The following HOMER1 variants were observed in gnomAD, a reference collection of about 807,000 sequenced individuals.
HOMER1 encodes the protein homer scaffold protein 1.
HOMER1 carries 3 observed loss-of-function variants against 48.9 expected under a neutral mutation model. The ratio of observed to expected loss-of-function variants is 0.06; its 90% CI spans 0.03 to 0.16. HOMER1 has a LOEUF of 0.16. HOMER1 is among the 10% of genes least tolerant of loss of function. The pLI is 1.00. For missense variants in HOMER1, 247 were observed against 411.4 expected (o/e 0.60, Z 3.46); for synonymous variants, 134 against 146.4 (o/e 0.92, Z 0.61).
At chr5:79,511,687 T>G (rs1752948979) in intron 1 of HOMER1, among the ~76,000 whole-genome samples, 1 of 152,250 alleles carries the variant, frequency 6.6e-6, no homozygotes, top group Non-Finnish European at 1.5e-5. Context: ...GAACGTCTCC[T>G]ACAACATGCT....
At chr5:79,392,011 C>A (rs1035466456) in intron 8 of HOMER1, among the ~76,000 whole-genome samples, 3 of 152,074 alleles carry the variant, frequency 2.0e-5, no homozygotes, top group Non-Finnish European at 1.5e-5. Context: ...AGCACAATGC[C>A]GTACTCATGT....
At chr5:79,489,535 C>T (rs533866779) in intron 1 of HOMER1, among the ~76,000 whole-genome samples, 4 of 151,710 alleles carry the variant, frequency 2.6e-5, no homozygotes, top group South Asian at 2.1e-4. Flanking sequence ...CCAGCCTGGG[C>T]GACAGAGCAA....
intron 4 of HOMER1, among the ~76,000 whole-genome samples, chr5:79,442,823 C>T (rs1271278408): frequency 1.3e-5 from 2 of 152,210 alleles, no homozygotes; most frequent in South Asian, 4.1e-4. Flanking sequence ...GACAGCAAAA[C>T]GATACATAAA....
chr5:79,422,427 T>C (rs1750126658), intron 5 of HOMER1, among the ~76,000 whole-genome samples: 1 of 152,134 alleles, frequency 6.6e-6, no homozygotes, highest in South Asian at 2.1e-4. Flanking sequence ...TTGGTCTCCA[T>C]ATGGTGACTT....
chr5:79,422,316 A>T (rs1750124162), intron 5 of HOMER1, among the ~76,000 whole-genome samples: 1 of 152,142 alleles, frequency 6.6e-6, no homozygotes, highest in Non-Finnish European at 1.5e-5. Context: ...ATGCCTACAG[A>T]CTCAATACTC....
At position 79,375,763 on chromosome 5, in the gene HOMER1, C is replaced by G. The variant is rs1561338908; in HGVS notation, c.*246G>C. On this transcript the variant is annotated 3_prime_UTR_variant, in exon 9 of 9. Coordinates refer to ENST00000334082, the MANE Select transcript of HOMER1 (RefSeq NM_004272.5). ...TTTATAACTTTCTAGTTAACTATGG[C>G]CAATAATATACATGGAGGTAATTTG... 3.0e-6 allele frequency: 1 copy of G among 334,584 alleles called. No homozygotes were observed. The highest frequency in any genetic ancestry group is 5.4e-6 in the Non-Finnish European group (1 of 186,172). The allele number at this position is 334,584 out of a possible 1,614,324, so 20.7% of individuals were successfully genotyped here.
intron 2 of HOMER1, among the ~76,000 whole-genome samples, chr5:79,454,028 A>G (rs903767976): frequency 6.6e-6 from 1 of 152,236 alleles, no homozygotes; most frequent in African/African-American, 2.4e-5. Flanking sequence ...TGTTAAAAAA[A>G]TACAAAAAGC....
chr5:79,477,568 T>G (rs1751818452), intron 1 of HOMER1, among the ~76,000 whole-genome samples: 1 of 152,246 alleles, frequency 6.6e-6, no homozygotes, highest in South Asian at 2.1e-4. Context: ...CTGTTCAAAT[T>G]GAACAGGGAG....
rs193088895 is a variant in HOMER1, at chr5:79,489,735, T to C, written c.5+23035A>G. On this transcript the variant is annotated intron_variant, in intron 1 of 8. Transcript: ENST00000334082. ...TTAAAATGTTGATATATGATTATAG[T>C]AATTTTCTCTTCTATTCAACTTAGA... Among the ~76,000 whole-genome samples the C allele has an allele frequency of 5.1e-3, 769 of 152,248 alleles. 5 individuals carry two copies. Among genetic ancestry groups the C allele is most frequent in the African/African-American group, 0.018 (738 of 41,482 alleles).
At chr5:79,379,226 TAA>T (rs1748881594) in intron 8 of HOMER1, among the ~76,000 whole-genome samples, 1 of 105,440 alleles carries the variant, frequency 9.5e-6, no homozygotes, top group African/African-American at 3.8e-5. Flanking sequence ...TATATATCTA[TAA>T]TATATATTAT....
At chr5:79,436,952 C>A (rs539345186) in intron 5 of HOMER1, among the ~76,000 whole-genome samples, 1 of 152,270 alleles carries the variant, frequency 6.6e-6, no homozygotes, top group African/African-American at 2.4e-5. Flanking sequence ...TAATTAAAAA[C>A]TTAAATTGAC....
intron 8 of HOMER1, among the ~76,000 whole-genome samples, chr5:79,386,947 TTTCC>T (rs1218615749): frequency 4.5e-5 from 3 of 67,344 alleles, no homozygotes; most frequent in Non-Finnish European, 8.8e-5. Flanking sequence ...CCTTCCTTCC[TTTCC>T]TTTCTTCCTT....
intron 1 of HOMER1, among the ~76,000 whole-genome samples, chr5:79,499,499 T>G (rs73770438): frequency 0.037 from 4,563 of 123,014 alleles, 240 homozygotes; most frequent in African/African-American, 0.13. Context: ...GAAAAATTTT[T>G]GGGGATTTGC....
rs1166031440 is a variant in HOMER1, at chr5:79,479,340, T to C, written c.6-22322A>G. 1.3e-5 allele frequency among the ~76,000 whole-genome samples: 2 copies of C among 152,192 alleles called. 1 individual carries two copies. Among genetic ancestry groups the C allele is most frequent in the Admixed American group, 1.3e-4 (2 of 15,282 alleles). On this transcript the variant is annotated intron_variant, in intron 1 of 8. Transcript: ENST00000334082. ...TTTGGCAAAAGGGATTTTGCAGATG[T>C]GATTAAGTTAAGGATCTTGAGATGG...
At chr5:79,478,455 G>A (rs1462490289) in intron 1 of HOMER1, among the ~76,000 whole-genome samples, 2 of 152,052 alleles carry the variant, frequency 1.3e-5, no homozygotes, top group Non-Finnish European at 2.9e-5. Flanking sequence ...TTGGGAGGCC[G>A]AGGCGGGCGG....
intron 5 of HOMER1, among the ~76,000 whole-genome samples, chr5:79,411,057 T>C (rs1275968253): frequency 1.3e-5 from 2 of 152,190 alleles, no homozygotes; most frequent in Non-Finnish European, 2.9e-5. Context: ...CTTGTGGCTG[T>C]TCAGTAAAGT....
chr5:79,426,313 C>A (rs1750249876), intron 5 of HOMER1, among the ~76,000 whole-genome samples: 1 of 152,070 alleles, frequency 6.6e-6, no homozygotes, highest in South Asian at 2.1e-4. Context: ...AAGATATCCG[C>A]AATCCCATGT....
chr5:79,389,677 C>G (rs938436981), intron 8 of HOMER1, among the ~76,000 whole-genome samples: 1 of 152,198 alleles, frequency 6.6e-6, no homozygotes, highest in Non-Finnish European at 1.5e-5. Flanking sequence ...AGTCCCACAA[C>G]CAAACCCGCC....
chr5:79,392,954 G>GGA (rs3082001), intron 8 of HOMER1, among the ~76,000 whole-genome samples: 1,716 of 140,930 alleles, frequency 0.012, 8 homozygotes, highest in Middle Eastern at 0.018. Context: ...GAAGGGAAAG[G>GGA]GAGAGAGAGA....
Sources: allele counts gnomAD v4.1 joint callset (sites outside exome capture counted in the v4.1 genomes callset), GRCh38; gene constraint gnomAD v4.1.1; transcripts MANE v1.5; gene names NCBI Gene and HGNC (gene_info 2026-07-23, HGNC 2026-07-21).